The following PARN variants were observed in gnomAD, a reference collection of about 807,000 sequenced individuals.
PARN encodes the protein poly(A)-specific ribonuclease PARN.
Under a neutral mutation model 102.8 loss-of-function variants are expected in PARN, and 71 were observed. That is an observed-to-expected ratio of 0.69 (90% CI 0.57 to 0.84). PARN has a LOEUF of 0.84. PARN is among the 40% of genes least tolerant of loss of function. The pLI is 0.00. For synonymous variants in PARN, 261 were observed against 252.9 expected, an observed-to-expected ratio of 1.03 and a Z score of -0.30; for missense variants, 782 against 760.9, an observed-to-expected ratio of 1.03 and a Z score of -0.33.
intron 3 of PARN, 22 bp from the exon 4 acceptor site, chr16:14,627,358 T>A: frequency 6.4e-7 from 1 of 1,554,416 alleles, no homozygotes; most frequent in Non-Finnish European, 8.7e-7. Flanking sequence ...AAATAAAACA[T>A]CTGTCACAAA....
intron 19 of PARN, among the ~76,000 whole-genome samples, chr16:14,554,892 C>T (rs752586349): frequency 7.2e-5 from 11 of 152,062 alleles, no homozygotes; most frequent in Admixed American, 1.3e-4. Flanking sequence ...AAGGCAATCC[C>T]GAGTCATAAT....
chr16:14,590,391 T>G (rs1483448681), intron 13 of PARN, among the ~76,000 whole-genome samples: 1 of 151,274 alleles, frequency 6.6e-6, no homozygotes, highest in Non-Finnish European at 1.5e-5. Context: ...TCCCAGAACT[T>G]TGGGAGGCGG....
chr16:14,590,372 C>T (rs923365959), intron 13 of PARN, among the ~76,000 whole-genome samples: 13 of 151,298 alleles, frequency 8.6e-5, no homozygotes, highest in Non-Finnish European at 1.5e-4. Flanking sequence ...TGGTGGCTCA[C>T]GCCTGTAATC....
intron 21 of PARN, among the ~76,000 whole-genome samples, chr16:14,510,764 C>A (rs1215785823): frequency 1.3e-5 from 2 of 152,208 alleles, no homozygotes; most frequent in Non-Finnish European, 2.9e-5. Context: ...TCCTGCCACC[C>A]CCATCTATGT....
At chr16:14,518,497 T>C (rs1161690167) in intron 21 of PARN, among the ~76,000 whole-genome samples, 2 of 151,910 alleles carry the variant, frequency 1.3e-5, no homozygotes, top group South Asian at 2.1e-4. Context: ...ATATTACTAC[T>C]GTCGTACTAC....
At chr16:14,468,503 T>A (rs773050993) in intron 22 of PARN, among the ~76,000 whole-genome samples, 10 of 152,082 alleles carry the variant, frequency 6.6e-5, no homozygotes, top group Non-Finnish European at 1.2e-4. Flanking sequence ...GGAGCAAGAA[T>A]AGCTTGTATA....
At chr16:14,587,301 C>G (rs1479647235) in intron 13 of PARN, among the ~76,000 whole-genome samples, 2 of 152,158 alleles carry the variant, frequency 1.3e-5, no homozygotes, top group African/African-American at 2.4e-5. Flanking sequence ...CACTAGAAAG[C>G]TTTACAAGCA....
chr16:14,535,679 T>C (rs1432269821), intron 21 of PARN, among the ~76,000 whole-genome samples: 2 of 152,208 alleles, frequency 1.3e-5, no homozygotes, highest in Non-Finnish European at 2.9e-5. Context: ...TATGATAAGA[T>C]ATTTTGAGAA....
At chr16:14,461,694 C>T (rs569152093) in intron 22 of PARN, among the ~76,000 whole-genome samples, 46 of 152,334 alleles carry the variant, frequency 3.0e-4, no homozygotes, top group African/African-American at 1.1e-3. Context: ...TCAGCTAATT[C>T]TTCTTTATAA....
intron 21 of PARN, among the ~76,000 whole-genome samples, chr16:14,494,207 C>A (rs958679451): frequency 6.6e-6 from 1 of 152,162 alleles, no homozygotes; most frequent in Non-Finnish European, 1.5e-5. Flanking sequence ...CATTAATGAA[C>A]GCCTGTATAT....
intron 22 of PARN, among the ~76,000 whole-genome samples, chr16:14,452,293 T>A (rs1401503256): frequency 6.6e-6 from 1 of 152,244 alleles, no homozygotes; most frequent in African/African-American, 2.4e-5. Flanking sequence ...CTGCCAGATG[T>A]GCTTCTGCAG....
At chr16:14,570,518 C>T (rs900582775) in intron 18 of PARN, among the ~76,000 whole-genome samples, 1 of 150,768 alleles carries the variant, frequency 6.6e-6, no homozygotes, top group African/African-American at 2.4e-5. Flanking sequence ...GACACGGTGG[C>T]GCATGCTTGT....
At chr16:14,582,647 T>C (rs2151751739) in intron 16 of PARN, among the ~76,000 whole-genome samples, 1 of 151,892 alleles carries the variant, frequency 6.6e-6, no homozygotes, top group Non-Finnish European at 1.5e-5. Flanking sequence ...TCTTCCCTTA[T>C]ACAAGATGGT....
At chr16:14,545,574 T>C (rs936384080) in intron 21 of PARN, among the ~76,000 whole-genome samples, 1 of 152,212 alleles carries the variant, frequency 6.6e-6, no homozygotes, top group African/African-American at 2.4e-5. Flanking sequence ...AAAAGGAAAA[T>C]GGTTCAAGTC....
chr16:14,544,231 A>G (rs997880125), intron 21 of PARN, among the ~76,000 whole-genome samples: 3 of 152,142 alleles, frequency 2.0e-5, no homozygotes, highest in Admixed American at 1.3e-4. Context: ...CACTGTCTAC[A>G]AGAGACTCAC....
chr16:14,629,010 G>A (rs1416322093), intron 2 of PARN, among the ~76,000 whole-genome samples: 2 of 152,178 alleles, frequency 1.3e-5, no homozygotes, highest in Non-Finnish European at 2.9e-5. Flanking sequence ...TCATTTATCT[G>A]CAAAAACCTG....
intron 21 of PARN, among the ~76,000 whole-genome samples, chr16:14,486,582 G>C (rs1389543920): frequency 6.6e-6 from 1 of 152,194 alleles, no homozygotes; most frequent in Non-Finnish European, 1.5e-5. Context: ...GGATTTATCT[G>C]AGCACATTTG....
chr16:14,614,342 AAG>A (rs777046265), intron 6 of PARN, among the ~76,000 whole-genome samples: 10 of 152,278 alleles, frequency 6.6e-5, no homozygotes, highest in Middle Eastern at 3.4e-3. Flanking sequence ...TAGAGGACTA[AAG>A]AGAGATAGAA....
At chr16:14,508,613 C>T (rs1398400935) in intron 21 of PARN, among the ~76,000 whole-genome samples, 1 of 151,222 alleles carries the variant, frequency 6.6e-6, no homozygotes, top group Non-Finnish European at 1.5e-5. Context: ...AGGCTTAAGG[C>T]TAACAGATAT....
Sources: gnomAD v4.1 joint callset for allele counts (sites outside exome capture counted in the v4.1 genomes callset) on GRCh38, gnomAD v4.1.1 for gene constraint, MANE v1.5 for transcripts, NCBI Gene and HGNC (gene_info 2026-07-23, HGNC 2026-07-21) for gene names.